Variants in DOCK8 observed in about 807,000 individuals in gnomAD.
DOCK8 encodes dedicator of cytokinesis 8, also known as dedicator of cytokinesis protein 8.
In DOCK8, 141 loss-of-function variants were observed where a neutral mutation model predicts 245.6. The observed-to-expected ratio is 0.57, with a 90% CI of 0.50 to 0.66. The LOEUF (loss-of-function observed/expected upper bound fraction) is 0.66. Ranked by LOEUF, DOCK8 falls within the 30% of genes least tolerant of loss-of-function variation. DOCK8 has a pLI of 0.00. For missense variants in DOCK8, 2,965 were observed against 2,603.4 expected (o/e 1.14, Z -3.02); for synonymous variants, 1,168 against 970.2 (o/e 1.20, Z -3.79).
chr9:400,217 T>C (rs1318490106), intron 26 of DOCK8, among the ~76,000 whole-genome samples: 34 of 35,290 alleles, frequency 9.6e-4, no homozygotes, highest in African/African-American at 1.8e-3. Flanking sequence ...ACCTCCACTA[T>C]CACCACCACC....
intron 4 of DOCK8, among the ~76,000 whole-genome samples, chr9:297,545 AG>A: frequency 6.6e-6 from 1 of 152,262 alleles, no homozygotes; most frequent in East Asian, 1.9e-4. Flanking sequence ...GTCTGCATCT[AG>A]GTGCAACAGG....
chr9:443,497 C>T lies in DOCK8; in HGVS notation c.5561C>T (p.Thr1854Ile). 10 of 1,613,978 alleles carry T rather than the reference C, an allele frequency of 6.2e-6. No homozygotes were observed. The highest frequency in any genetic ancestry group is 8.5e-6 in the Non-Finnish European group (10 of 1,179,952). The part of the protein sequence containing the change: ...VIKDSTPVDK[T>I]KLDPNKAYIQ... ...AAAGACTCCACTCCTGTGGACAAAA[C>T]CAAGTTGGATCCTAACAAGGTATAC... is the stretch of plus-strand genomic sequence containing the variant. The change falls in exon 43 of 48, where the codon ACC (threonine) becomes ATC (isoleucine). Residue 1854 changes from threonine (T) to isoleucine (I), a missense_variant. Coordinates refer to ENST00000432829, the MANE Select transcript of DOCK8 (RefSeq NM_203447.4).
At chr9:302,451 A>T (rs1012535183) in intron 4 of DOCK8, among the ~76,000 whole-genome samples, 1 of 152,252 alleles carries the variant, frequency 6.6e-6, no homozygotes, top group African/African-American at 2.4e-5. Flanking sequence ...TAAAGAATTT[A>T]TGAATAAGTC....
At chr9:299,140 C>T (rs1368316133) in intron 4 of DOCK8, among the ~76,000 whole-genome samples, 1 of 152,130 alleles carries the variant, frequency 6.6e-6, no homozygotes, top group African/African-American at 2.4e-5. Flanking sequence ...TTTTTGTCCC[C>T]TGACCCCCAG....
At chr9:363,280 A>T (rs754543) in intron 14 of DOCK8, among the ~76,000 whole-genome samples, 119,575 of 152,202 alleles carry the variant, frequency 0.79, 47,981 homozygotes, top group South Asian at 0.89. Context: ...GAAAACTTTC[A>T]AAATAACTTT....
chr9:452,381 C>T (rs372985194), intron 46 of DOCK8: 9 of 238,696 alleles, frequency 3.8e-5, no homozygotes, highest in South Asian at 9.6e-5. Context: ...GTAACTAACA[C>T]GTCAACTATG....
In DOCK8 at chr9:371,543, G is replaced by T. The variant is rs1241904702; in HGVS notation, c.1984G>T (p.Val662Leu). 2 of 1,614,030 alleles carry T rather than the reference G, an allele frequency of 1.2e-6. No individual in the cohort carries two copies. Among genetic ancestry groups the T allele is most frequent in the East Asian group, 2.2e-5 (1 of 44,888 alleles). ...ISCQQKQGAS[V>L]ETLLGYSWLP... The stretch of plus-strand genomic sequence containing the variant: ...CTGTCAGCAGAAGCAAGGAGCCTCC[G>T]TGGAAACTCTCCTGGGATATTCAGT... Residue 662 changes from valine (V) to leucine (L), a missense_variant, in exon 17 of 48, where the codon GTG (valine) becomes TTG (leucine). By Grantham distance (32) the Val-to-Leu change is conservative (BLOSUM62 1). This residue lies in a region of DOCK8 where 2,825 missense variants were observed against 2,453.5 expected (regional missense o/e 1.15). Coordinates refer to ENST00000432829, the MANE Select transcript of DOCK8 (RefSeq NM_203447.4).
chr9:414,926 T>A lies in DOCK8; in HGVS notation c.3675T>A (p.Ala1225=), dbSNP rs2055919286. The A allele has an allele frequency of 4.3e-6, 7 of 1,613,968 alleles. No homozygotes were observed. The East Asian group carries it at 1.6e-4, about 36-fold the overall frequency. Reference sequence around the variant, plus strand: ...CTTTAGTTGGCATCATTTTGGATGCTTTGCCACAGCTCTGTGACTTTACAG... The same window carrying A: ...CTTTAGTTGGCATCATTTTGGATGCATTGCCACAGCTCTGTGACTTTACAG... ...YLPLVGIILD[A]LPQLCDFTVA... The change falls in exon 29 of 48, where the codon GCT becomes GCA. Residue 1225 remains alanine, a synonymous_variant. Transcript: ENST00000432829.
intron 6 of DOCK8, 84 bp from the exon 7 acceptor site, chr9:316,959 T>G (rs1049447767): frequency 1.9e-6 from 2 of 1,062,670 alleles, no homozygotes; most frequent in African/African-American, 3.1e-5. Flanking sequence ...CCGTGGAGGG[T>G]AGCCTTCCCT....
chr9:431,540 G>A (rs543153387), intron 36 of DOCK8, among the ~76,000 whole-genome samples: 58 of 152,152 alleles, frequency 3.8e-4, no homozygotes, highest in East Asian at 1.5e-3. Context: ...ACAGGGTCTC[G>A]CTCTGTCACC....
rs746586580 is a variant in DOCK8 at position 426,930 on chromosome 9, G to C, written c.4287G>C (p.Leu1429=). The stretch of plus-strand genomic sequence containing the variant: ...AAGAAGCCTTGATCAGTGGCAATCT[G>C]GCTACAGAAGCACATTTAATCATCC... The part of the protein sequence containing the change: ...LDQEALISGN[L]ATEAHLIILD... The change falls in exon 34 of 48, where the codon CTG becomes CTC. Residue 1429 remains leucine (L), a synonymous_variant. Coordinates refer to ENST00000432829, the MANE Select transcript of DOCK8 (RefSeq NM_203447.4). 1 of 1,614,106 alleles carries C rather than the reference G, an allele frequency of 6.2e-7. No homozygotes were observed. Among genetic ancestry groups the C allele is most frequent in the Admixed American group, 1.7e-5 (1 of 60,020 alleles).
At chr9:461,527 ATTT>A (rs530827485) in intron 46 of DOCK8, among the ~76,000 whole-genome samples, 401 of 67,060 alleles carry the variant, frequency 6.0e-3, no homozygotes, top group African/African-American at 0.019. Flanking sequence ...TAGCAACTGC[ATTT>A]TTTTTTTTTT....
At chr9:443,991 C>T (rs1418784796) in intron 43 of DOCK8, among the ~76,000 whole-genome samples, 1 of 152,182 alleles carries the variant, frequency 6.6e-6, no homozygotes, top group African/African-American at 2.4e-5. Flanking sequence ...TCAAACTCGA[C>T]AACACTTAGT....
Position 273,149 on chromosome 9 carries a change from GT to G in DOCK8, c.156+1421del, listed in dbSNP as rs1299230409. 6.1e-6 allele frequency: 6 copies of G among 976,506 alleles called. No homozygotes were observed. The African/African-American group carries it at 1.1e-4, about 18-fold the overall frequency. 60.5% of individuals were successfully genotyped at this position (976,506 alleles called of 1,614,324 possible). A position where few individuals can be genotyped will look rare whatever the true frequency, so the allele number is the denominator to read the frequency against. Reference sequence around the variant, plus strand: ...TGGTTATTTCAGAAGGATAATTTGTGTGTTGCGTCATTAATGAAATAGTAGT... The same window carrying G: ...TGGTTATTTCAGAAGGATAATTTGTGGTTGCGTCATTAATGAAATAGTAGT... On this transcript the variant is annotated intron_variant, in intron 2 of 47. Coordinates refer to ENST00000432829, the MANE Select transcript of DOCK8 (RefSeq NM_203447.4).
At chr9:361,346 A>G (rs2052720075) in intron 14 of DOCK8, among the ~76,000 whole-genome samples, 1 of 152,192 alleles carries the variant, frequency 6.6e-6, no homozygotes. Context: ...GTAACATATA[A>G]TATCTTACAA....
intron 27 of DOCK8, among the ~76,000 whole-genome samples, chr9:405,703 C>G (rs941439444): frequency 6.6e-6 from 1 of 152,058 alleles, no homozygotes; most frequent in East Asian, 1.9e-4. Flanking sequence ...CAAAATTTCT[C>G]ATTATTAGGT....
intron 28 of DOCK8, among the ~76,000 whole-genome samples, chr9:409,702 G>A (rs956743299): frequency 1.3e-5 from 2 of 151,898 alleles, no homozygotes; most frequent in African/African-American, 4.8e-5. Flanking sequence ...ATTTACATTA[G>A]GTATATCTCC....
intron 2 of DOCK8, among the ~76,000 whole-genome samples, chr9:272,393 C>CT (rs1390675292): frequency 1.3e-5 from 2 of 152,070 alleles, no homozygotes; most frequent in African/African-American, 2.4e-5. Context: ...TACAAACCTT[C>CT]TTTTTTTGAG....
chr9:426,892 G>A lies in DOCK8; in HGVS notation c.4249G>A (p.Ala1417Thr), dbSNP rs1199786455. ...CCTCTTGTTGTTTCCTAGAACAAAG[G>A]CCGAGTTAGATCAAGAAGCCTTGAT... ...QANEKLDKTK[A>T]ELDQEALISG... is the part of the protein sequence containing the mutation. Residue 1417 changes from alanine to threonine, a missense_variant, in exon 34 of 48, where the codon GCC (alanine) becomes ACC (threonine). Around this residue, in one of 3 missense-constraint regions of DOCK8, gnomAD observed 2,825 missense variants for 2,453.5 expected, o/e 1.15. Coordinates refer to ENST00000432829, the MANE Select transcript of DOCK8 (RefSeq NM_203447.4). 6.2e-7 allele frequency: 1 copy of A among 1,614,058 alleles called. No individual in the cohort carries two copies. The highest frequency in any genetic ancestry group is 8.5e-7 in the Non-Finnish European group (1 of 1,179,996).
Sources: allele counts gnomAD v4.1 joint callset (sites outside exome capture counted in the v4.1 genomes callset), GRCh38; gene constraint gnomAD v4.1.1; regional missense constraint gnomAD v4.1.1; transcripts MANE v1.5; gene names NCBI Gene and HGNC (gene_info 2026-07-23, HGNC 2026-07-21).